The following PRICKLE2 variants were observed in gnomAD, a reference collection of about 807,000 sequenced individuals.
PRICKLE2 encodes the protein prickle planar cell polarity protein 2.
In PRICKLE2, 21 loss-of-function variants were observed where a neutral mutation model predicts 81.4. The ratio of observed to expected loss-of-function variants is 0.26; its 90% CI spans 0.18 to 0.37. The LOEUF is 0.37. Ranked by LOEUF, PRICKLE2 falls within the 10% of genes least tolerant of loss-of-function variation. PRICKLE2 has a pLI of 1.00. For missense variants in PRICKLE2, 940 were observed against 1,109.0 expected (o/e 0.85, Z 2.16); for synonymous variants, 456 against 421.5 (o/e 1.08, Z -1.00).
intron 1 of PRICKLE2, among the ~76,000 whole-genome samples, chr3:64,223,102 G>T (rs1379641781): frequency 6.6e-6 from 1 of 152,200 alleles, no homozygotes. Flanking sequence ...TTTTCTGCTA[G>T]CAAAACCTTT....
At chr3:64,244,603 G>GGTGTGTGT (rs71680837) in intron 2 of PRICKLE2, among the ~76,000 whole-genome samples, 380 of 91,686 alleles carry the variant, frequency 4.1e-3, no homozygotes, top group South Asian at 6.0e-3. Context: ...GTGAATGACT[G>GGTGTGTGT]GTGTGTGTGT....
At chr3:64,242,833 T>C (rs763713556) in intron 2 of PRICKLE2, among the ~76,000 whole-genome samples, 4 of 152,250 alleles carry the variant, frequency 2.6e-5, no homozygotes, top group Non-Finnish European at 5.9e-5. Flanking sequence ...CCTGGTCATC[T>C]GTAAGAGGAG....
intron 2 of PRICKLE2, among the ~76,000 whole-genome samples, chr3:64,190,994 C>A (rs57406367): frequency 0.011 from 1,625 of 152,260 alleles, 23 homozygotes; most frequent in African/African-American, 0.037. Context: ...GATTCAGAAT[C>A]AAGAGGCTCC....
chr3:64,150,369 G>A (rs1338034355), intron 6 of PRICKLE2, among the ~76,000 whole-genome samples: 1 of 152,038 alleles, frequency 6.6e-6, no homozygotes, highest in Non-Finnish European at 1.5e-5. Flanking sequence ...CATAGTACTT[G>A]GTAATGGAGT....
In PRICKLE2 at chr3:64,093,775, CTG is replaced by C. The variant is rs1468730736; in HGVS notation, c.*5274_*5275del. ...CATAGTAAAACTCATCCCTCCATAC[CTG>C]TGTCCTTTCTTTTCTTTGTTGAAAT... On this transcript the variant is annotated 3_prime_UTR_variant, in exon 8 of 8. Coordinates refer to ENST00000638394, the MANE Select transcript of PRICKLE2 (RefSeq NM_198859.4). 6.6e-6 allele frequency: 1 copy of C among 152,206 alleles called. No homozygotes were observed. Among genetic ancestry groups the C allele is most frequent in the East Asian group, 1.9e-4 (1 of 5,202 alleles). The allele number at this position is 152,206 out of a possible 1,614,324, so 9.4% of individuals were successfully genotyped here. A position where few individuals can be genotyped will look rare whatever the true frequency, so the allele number is the denominator to read the frequency against.
chr3:64,170,721 A>AC (rs2077915844), intron 2 of PRICKLE2, among the ~76,000 whole-genome samples: 1 of 151,428 alleles, frequency 6.6e-6, no homozygotes, highest in Non-Finnish European at 1.5e-5. Context: ...AAAAAAAAAA[A>AC]AAAACAGCCT....
At chr3:64,192,029 T>C (rs563879329) in intron 2 of PRICKLE2, among the ~76,000 whole-genome samples, 108 of 152,366 alleles carry the variant, frequency 7.1e-4, no homozygotes, top group African/African-American at 2.4e-3. Flanking sequence ...TCTGGCCTTT[T>C]GCAACCTAAG....
At chr3:64,233,600 A>C (rs1213188998) in intron 2 of PRICKLE2, among the ~76,000 whole-genome samples, 1 of 152,172 alleles carries the variant, frequency 6.6e-6, no homozygotes, top group African/African-American at 2.4e-5. Context: ...AAGTCTTACC[A>C]TCCTATCTGA....
At chr3:64,159,784 C>G in intron 4 of PRICKLE2, 156 bp downstream of exon 4, 1 of 900,886 alleles carries the variant, frequency 1.1e-6, no homozygotes, top group South Asian at 1.4e-5. Context: ...CCCTAGAATC[C>G]AACTCCTTAG....
chr3:64,153,451 A>G, intron 5 of PRICKLE2, 83 bp from the exon 6 acceptor site: 1 of 1,334,074 alleles, frequency 7.5e-7, no homozygotes, highest in Non-Finnish European at 1.1e-6. Flanking sequence ...GGGTCCTTGA[A>G]CTAGAAGGGT....
In PRICKLE2 at chr3:64,159,990, C is replaced by T; in HGVS notation, c.346G>A (p.Gly116Arg). 6.2e-7 allele frequency: 1 copy of T among 1,614,134 alleles called. No individual in the cohort carries two copies. The highest frequency in any genetic ancestry group is 8.5e-7 in the Non-Finnish European group (1 of 1,180,030). ...GTGACTGGGAAAGGCCTGACATTCCCGCGGCCCAAGTTTTCGCGTTTCCTC... is the reference window on the plus strand; with the variant it reads ...GTGACTGGGAAAGGCCTGACATTCCTGCGGCCCAAGTTTTCGCGTTTCCTC... The part of the protein sequence containing the change: ...SQRKRENLGR[G>R]NVRPFPVTMT... Residue 116 changes from glycine to arginine, a missense_variant, in exon 4 of 8, where the codon GGG becomes AGG. Physicochemically the swap from Gly to Arg is moderately radical, Grantham distance 125. Around this residue, in one of 2 missense-constraint regions of PRICKLE2, gnomAD observed 270 missense variants for 391.8 expected, o/e 0.69. Transcript: ENST00000638394.
rs759047402 is a variant in PRICKLE2 at position 64,099,725 on chromosome 3, G to A, written c.1861C>T (p.Leu621Phe). 9 of 1,614,216 alleles carry A rather than the reference G, an allele frequency of 5.6e-6. No homozygotes were observed. In the Admixed American group the frequency reaches 1.2e-4, roughly 21 times the overall value. Residue 621 changes from leucine (L) to phenylalanine (F), a missense_variant, in exon 8 of 8, where the codon CTC becomes TTC. Leu to Phe is a conservative substitution (Grantham distance 22). Transcript: ENST00000638394. This position sits in a 1 kb window ranked among gnomAD's most constrained non-coding sequence, Gnocchi z 4.3. ...AQQYQEMEGN[L>F]HQLSNPIGYR... ...CCAATGGGGTTGCTGAGCTGGTGGAGGTTTCCCTCCATCTCCTGGTACTGC... is the reference window on the plus strand; with the variant it reads ...CCAATGGGGTTGCTGAGCTGGTGGAAGTTTCCCTCCATCTCCTGGTACTGC...
chr3:64,265,599 C>T (rs962617427), intron 2 of PRICKLE2, among the ~76,000 whole-genome samples: 2 of 152,156 alleles, frequency 1.3e-5, no homozygotes, highest in Non-Finnish European at 1.5e-5. Context: ...CACAAAGCAG[C>T]ACGCATGTCC....
chr3:64,113,521 A>G (rs830354), intron 7 of PRICKLE2, among the ~76,000 whole-genome samples: 117,126 of 152,044 alleles, frequency 0.77, 46,896 homozygotes, highest in Non-Finnish European at 0.88. Flanking sequence ...AGCCATGCAC[A>G]TGCTCCCTCC....
chr3:64,099,538 C>G lies in PRICKLE2; in HGVS notation c.2048G>C (p.Arg683Pro). ...ATSRDDNRRFRPHRSRRSRRS... is the reference protein window; with the variant it reads ...ATSRDDNRRFPPHRSRRSRRS... The stretch of plus-strand genomic sequence containing the variant: ...TCGGGAACGCCTGGACCTGTGAGGT[C>G]GGAAACGGCGGTTGTCGTCGCGTGA... The change falls in exon 8 of 8, where the codon CGA becomes CCA. Residue 683 changes from arginine to proline, a missense_variant. Coordinates refer to ENST00000638394, the MANE Select transcript of PRICKLE2 (RefSeq NM_198859.4). The surrounding 1 kb of genome is among the most constrained non-coding windows in gnomAD (Gnocchi z 4.3). 1 of 1,606,926 alleles carries G rather than the reference C, an allele frequency of 6.2e-7. No homozygotes were observed. Among genetic ancestry groups the G allele is most frequent in the Non-Finnish European group, 8.5e-7 (1 of 1,174,180 alleles).
At chr3:64,128,743 CAAA>C (rs34396377) in intron 7 of PRICKLE2, among the ~76,000 whole-genome samples, 2,079 of 94,060 alleles carry the variant, frequency 0.022, 20 homozygotes, top group African/African-American at 0.049. Context: ...AAGACTGTCT[CAAA>C]AAAAAAAAAA....
Position 64,200,671 on chromosome 3 carries a change from A to G in PRICKLE2, c.-40-1704T>C, listed in dbSNP as rs62251776. On this transcript the variant is annotated intron_variant, in intron 1 of 7. Coordinates refer to ENST00000638394, the MANE Select transcript of PRICKLE2 (RefSeq NM_198859.4). ...CACTCTGTCGCCCAGGCTGGAGTGC[A>G]GTGGTGCCATCTCAGCTCACTGCAA... 1,130 of 151,598 alleles carry G rather than the reference A, an allele frequency of 7.5e-3. 3 individuals are homozygous for G. The highest frequency in any genetic ancestry group is 0.013 in the Non-Finnish European group (856 of 67,996). 9.4% of individuals were successfully genotyped at this position (151,598 alleles called of 1,614,324 possible).
intron 7 of PRICKLE2, among the ~76,000 whole-genome samples, chr3:64,121,266 G>A (rs985673572): frequency 6.6e-6 from 1 of 152,144 alleles, no homozygotes; most frequent in African/African-American, 2.4e-5. Context: ...ACGATTGGGT[G>A]GGAAATTAGG....
intron 5 of PRICKLE2, among the ~76,000 whole-genome samples, chr3:64,155,216 A>G (rs1397977871): frequency 4.7e-5 from 1 of 21,134 alleles, no homozygotes; most frequent in East Asian, 9.8e-4. Context: ...ATTTAAATTA[A>G]AAAAATTTTT....
Sources: gnomAD v4.1 joint callset for allele counts (sites outside exome capture counted in the v4.1 genomes callset) on GRCh38, gnomAD v4.1.1 for gene constraint, gnomAD v4.1.1 regional missense constraint, Gnocchi (gnomAD v3.1) non-coding constraint, MANE v1.5 for transcripts, NCBI Gene and HGNC (gene_info 2026-07-23, HGNC 2026-07-21) for gene names.